EFCAB6: variants seen among roughly 807,000 people sequenced by gnomAD.
EFCAB6 encodes the protein EF-hand calcium-binding domain-containing protein 6.
A neutral mutation model predicts 169.8 loss-of-function variants in EFCAB6; 156 were observed. That is an observed-to-expected ratio of 0.92 (90% confidence interval 0.81 to 1.05). The LOEUF is 1.05. Ranked by LOEUF, EFCAB6 falls within the 50% of genes least tolerant of loss-of-function variation. EFCAB6 has a pLI of 0.00. For missense variants in EFCAB6, 1,800 were observed against 1,829.1 expected, an observed-to-expected ratio of 0.98 and a Z score of 0.29; for synonymous variants, 698 against 676.4, an observed-to-expected ratio of 1.03 and a Z score of -0.50.
intron 2 of EFCAB6, among the ~76,000 whole-genome samples, chr22:43,808,637 C>G (rs2063001710): frequency 6.6e-6 from 1 of 152,046 alleles, no homozygotes; most frequent in Non-Finnish European, 1.5e-5. Context: ...ATAAATCAGA[C>G]AGAGCATTGG....
intron 24 of EFCAB6, 96 bp from the exon 25 acceptor site, chr22:43,580,755 G>A (rs2050669941): frequency 1.5e-6 from 2 of 1,317,198 alleles, no homozygotes; most frequent in Admixed American, 2.0e-5. Context: ...GCAATGTGGG[G>A]AAAATGAATA....
chr22:43,719,337 C>G (rs2059443092), intron 8 of EFCAB6, among the ~76,000 whole-genome samples: 1 of 152,188 alleles, frequency 6.6e-6, no homozygotes, highest in Non-Finnish European at 1.5e-5. Context: ...GAGAAGCAAT[C>G]CAAAGCTTAC....
intron 27 of EFCAB6, among the ~76,000 whole-genome samples, chr22:43,543,002 C>T (rs73172026): frequency 0.044 from 6,672 of 152,216 alleles, 174 homozygotes; most frequent in African/African-American, 0.069. Context: ...CCATGGGTTC[C>T]CACTCTGCTT....
intron 26 of EFCAB6, among the ~76,000 whole-genome samples, chr22:43,558,164 T>C (rs2048818402): frequency 6.6e-6 from 1 of 152,196 alleles, no homozygotes; most frequent in African/African-American, 2.4e-5. Context: ...AAAATCAACA[T>C]GTAAATGTTG....
intron 26 of EFCAB6, among the ~76,000 whole-genome samples, chr22:43,557,394 A>G (rs1182652413): frequency 6.6e-6 from 1 of 152,268 alleles, no homozygotes; most frequent in African/African-American, 2.4e-5. Flanking sequence ...GAAATTGAAC[A>G]GTTTTCTAGC....
chr22:43,647,201 G>A (rs1220222860), intron 17 of EFCAB6, among the ~76,000 whole-genome samples: 1 of 132,174 alleles, frequency 7.6e-6, no homozygotes, highest in Admixed American at 8.2e-5. Flanking sequence ...GGGTGGGGGT[G>A]GGGGATGAAG....
intron 6 of EFCAB6, among the ~76,000 whole-genome samples, chr22:43,736,668 G>C (rs1431927312): frequency 6.6e-6 from 1 of 152,076 alleles, no homozygotes; most frequent in East Asian, 1.9e-4. Context: ...GATAGACCCT[G>C]TGGATCCACA....
intron 27 of EFCAB6, among the ~76,000 whole-genome samples, chr22:43,550,437 C>T (rs1171633350): frequency 3.3e-5 from 5 of 152,180 alleles, no homozygotes; most frequent in Admixed American, 1.3e-4. Context: ...TTTGGGAGGC[C>T]GAGGCGGGTG....
chr22:43,766,676 G>A (rs5764278), intron 4 of EFCAB6, among the ~76,000 whole-genome samples: 34,381 of 151,712 alleles, frequency 0.23, 5,126 homozygotes, highest in East Asian at 0.62. Context: ...CACCACACCC[G>A]GCTGATTTTT....
At chr22:43,772,810 G>T in intron 4 of EFCAB6, 82 bp downstream of exon 4, 1 of 1,485,114 alleles carries the variant, frequency 6.7e-7, no homozygotes, top group Non-Finnish European at 9.2e-7. Context: ...TGGGGACAAA[G>T]ACAGGAGAGG....
chr22:43,810,868 TA>T (rs1174991222), intron 1 of EFCAB6, among the ~76,000 whole-genome samples: 1 of 152,160 alleles, frequency 6.6e-6, no homozygotes, highest in African/African-American at 2.4e-5. Flanking sequence ...TCTTCACATA[TA>T]ATCAAAGGGG....
At chr22:43,636,005 A>G (rs2055363545) in intron 17 of EFCAB6, among the ~76,000 whole-genome samples, 1 of 152,160 alleles carries the variant, frequency 6.6e-6, no homozygotes, top group African/African-American at 2.4e-5. Context: ...GGAAGGCACC[A>G]CCTCTGCTGA....
At position 43,715,722 on chromosome 22, in the gene EFCAB6, T is replaced by G. The variant is rs1192261496; in HGVS notation, c.882+1126A>C. ...GTGAATAGTTTATTACTTTCTTCTT[T>G]GTACTTTTTAGAATTGCTTACGTTT... is the stretch of plus-strand genomic sequence containing the variant. On this transcript the variant is annotated intron_variant, in intron 9 of 31. Transcript: ENST00000262726. Among the ~76,000 whole-genome samples, 4 of 152,332 alleles carry G rather than the reference T, an allele frequency of 2.6e-5. No individual in the cohort carries two copies. The East Asian group carries it at 7.7e-4, about 29-fold the overall frequency.
chr22:43,530,822 A>C lies in EFCAB6; in HGVS notation c.4376T>G (p.Phe1459Cys). ...GCGCAGAGCTGTGCTCACCGTCCTG[A>C]AATCTGCGACGCTTAGCAGCCCTGT... Reference protein sequence around the residue: ...AGTGLLSVADFRTVLRQYSIN... With the variant: ...AGTGLLSVADCRTVLRQYSIN... The change falls in exon 31 of 32, where the codon TTC becomes TGC. Residue 1459 changes from phenylalanine (F) to cysteine (C), a missense_variant. Coordinates refer to ENST00000262726, the MANE Select transcript of EFCAB6 (RefSeq NM_022785.4). 1 of 1,613,734 alleles carries C rather than the reference A, an allele frequency of 6.2e-7. No homozygotes were observed. The highest frequency in any genetic ancestry group is 8.5e-7 in the Non-Finnish European group (1 of 1,180,048).
rs1483109558 is a variant in EFCAB6, at chr22:43,608,463, AG to A, written c.2681+18del. 6.2e-7 allele frequency: 1 copy of A among 1,610,760 alleles called. No individual in the cohort carries two copies. Among genetic ancestry groups the A allele is most frequent in the Admixed American group, 1.7e-5 (1 of 59,942 alleles). On this transcript the variant is annotated intron_variant, in intron 22 of 31. Transcript: ENST00000262726. The stretch of plus-strand genomic sequence containing the variant: ...TAGTCCATAAGAATGGAAACCAACC[AG>A]TCTCACGTGCCACTTACCTTGCCCA...
chr22:43,708,697 A>G (rs2059048232), intron 10 of EFCAB6, among the ~76,000 whole-genome samples: 1 of 152,240 alleles, frequency 6.6e-6, no homozygotes, highest in East Asian at 1.9e-4. Flanking sequence ...TTATATTTCA[A>G]TAGTAGATAA....
intron 20 of EFCAB6, among the ~76,000 whole-genome samples, chr22:43,618,291 G>A (rs370279564): frequency 6.0e-5 from 9 of 149,094 alleles, no homozygotes; most frequent in Admixed American, 6.8e-5. Context: ...TACTGCATGG[G>A]ACCAAGAATG....
In EFCAB6 at chr22:43,590,212, C is replaced by T. The variant is rs151000761; in HGVS notation, c.2894G>A (p.Arg965His). 7.0e-5 allele frequency: 113 copies of T among 1,613,508 alleles called. No individual in the cohort carries two copies. Among genetic ancestry groups the T allele is most frequent in the African/African-American group, 5.2e-4 (39 of 74,970 alleles). Reference protein sequence around the residue: ...AVAARDKLMDRHQDISKAFTK... With the variant: ...AVAARDKLMDHHQDISKAFTK... The stretch of plus-strand genomic sequence containing the variant: ...GAATGCTTTGCTGATATCTTGATGG[C>T]GGTCCATAAGCTTATCCCTGAAAGA... Residue 965 changes from arginine (R) to histidine (H), a missense_variant, in exon 24 of 32, where the codon CGC becomes CAC. Physicochemically the swap from Arg to His is conservative, Grantham distance 29. Coordinates refer to ENST00000262726, the MANE Select transcript of EFCAB6 (RefSeq NM_022785.4).
chr22:43,573,158 G>T (rs897226280), intron 26 of EFCAB6, among the ~76,000 whole-genome samples: 5 of 152,184 alleles, frequency 3.3e-5, no homozygotes, highest in Non-Finnish European at 1.5e-5. Flanking sequence ...GAATATTATT[G>T]AGAGACAGGA....
Sources: gnomAD v4.1 joint callset for allele counts (sites outside exome capture counted in the v4.1 genomes callset) on GRCh38, gnomAD v4.1.1 for gene constraint, MANE v1.5 for transcripts, NCBI Gene and HGNC (gene_info 2026-07-23, HGNC 2026-07-21) for gene names.